Variants in TLN2 observed in about 807,000 individuals in gnomAD.
TLN2 encodes talin-2.
TLN2 carries 118 observed loss-of-function variants against 294.7 expected under a neutral mutation model. That is an observed-to-expected ratio of 0.40 (90% confidence interval 0.34 to 0.47). TLN2 has a LOEUF of 0.47. Ranked by LOEUF, TLN2 falls within the 20% of genes least tolerant of loss-of-function variation. The probability of loss-of-function intolerance (pLI) is 0.84; values close to 1 mark genes in which losing one functional copy is unlikely to be tolerated. For synonymous variants in TLN2, 1,431 were observed against 1,304.5 expected, an observed-to-expected ratio of 1.10 and a Z score of -2.09; for missense variants, 3,083 against 3,282.2, an observed-to-expected ratio of 0.94 and a Z score of 1.48.
At chr15:62,631,580 CTCTCTCTTCT>C (rs2049875263) in intron 3 of TLN2, among the ~76,000 whole-genome samples, 1 of 92,384 alleles carries the variant, frequency 1.1e-5, no homozygotes, top group African/African-American at 3.8e-5. Flanking sequence ...TCCTTTCTTT[CTCTCTCTTCT>C]TTCACTCTCT....
chr15:62,510,143 TGTG>T (rs1240656335), intron 1 of TLN2, among the ~76,000 whole-genome samples: 1 of 152,158 alleles, frequency 6.6e-6, no homozygotes, highest in East Asian at 1.9e-4. Flanking sequence ...GCTGGTAAGA[TGTG>T]GTCCCAGTAC....
At chr15:62,415,553 G>T (rs2034024029) in intron 1 of TLN2, among the ~76,000 whole-genome samples, 2 of 101,802 alleles carry the variant, frequency 2.0e-5, no homozygotes, top group Admixed American at 1.3e-4. Context: ...GGGGAAAGAG[G>T]ACAGCTAACA....
chr15:62,825,744 ATATT>A lies in TLN2; in HGVS notation c.7002+5135_7002+5138del, dbSNP rs1161464546. On this transcript the variant is annotated intron_variant, in intron 54 of 58. Coordinates refer to ENST00000636159, the MANE Select transcript of TLN2 (RefSeq NM_015059.3). The stretch of plus-strand genomic sequence containing the variant: ...TATATATAAAAATATATTTTTATAT[ATATT>A]AAATATAATTATAATTATATATTAT... 2.1e-3 allele frequency among the ~76,000 whole-genome samples: 229 copies of A among 108,144 alleles called. 9 individuals are homozygous for A. The highest frequency in any genetic ancestry group is 9.5e-3 in the African/African-American group (220 of 23,062). 70.9% of individuals were successfully genotyped at this position (108,144 alleles called of 152,430 possible).
intron 11 of TLN2, among the ~76,000 whole-genome samples, chr15:62,676,073 T>A (rs890727546): frequency 3.3e-5 from 5 of 152,190 alleles, no homozygotes; most frequent in African/African-American, 7.2e-5. Flanking sequence ...TTTCTGCAAA[T>A]GGAAGCAAAC....
chr15:62,599,125 A>G (rs1328549954), intron 2 of TLN2, among the ~76,000 whole-genome samples: 1 of 152,178 alleles, frequency 6.6e-6, no homozygotes, highest in Non-Finnish European at 1.5e-5. Flanking sequence ...CTTCTTTTCC[A>G]AACATCTTGG....
chr15:62,554,924 A>G (rs1464428270), intron 1 of TLN2, among the ~76,000 whole-genome samples: 2 of 152,126 alleles, frequency 1.3e-5, no homozygotes, highest in African/African-American at 4.8e-5. Flanking sequence ...AGATTTAGAA[A>G]ATTCGTGTAC....
chr15:62,673,630 G>A (rs1273188747), intron 9 of TLN2, among the ~76,000 whole-genome samples, 197 bp from the exon 10 acceptor site: 1 of 138,074 alleles, frequency 7.2e-6, no homozygotes, highest in African/African-American at 2.7e-5. Context: ...ATGTTAGTTT[G>A]ACCTTTTCTA....
chr15:62,691,526 A>G (rs2057912165), intron 12 of TLN2, among the ~76,000 whole-genome samples: 1 of 152,136 alleles, frequency 6.6e-6, no homozygotes, highest in Non-Finnish European at 1.5e-5. Flanking sequence ...TTGGTGAAGC[A>G]TTTTTATGAT....
intron 37 of TLN2, among the ~76,000 whole-genome samples, chr15:62,757,284 G>A (rs1191042192): frequency 2.0e-5 from 3 of 152,168 alleles, no homozygotes; most frequent in Admixed American, 6.5e-5. Flanking sequence ...ATGGAGAGAC[G>A]AAGTCATCTC....
chr15:62,647,818 C>A (rs1225638210), intron 4 of TLN2, among the ~76,000 whole-genome samples: 1 of 152,130 alleles, frequency 6.6e-6, no homozygotes, highest in Non-Finnish European at 1.5e-5. Context: ...TGAACGCTTT[C>A]CACTGCCATT....
chr15:62,481,347 A>G (rs905627632), intron 1 of TLN2, among the ~76,000 whole-genome samples: 14 of 152,206 alleles, frequency 9.2e-5, no homozygotes, highest in African/African-American at 2.9e-4. Flanking sequence ...TCTATATTAC[A>G]TAAAACACTT....
At chr15:62,402,711 C>A (rs898041030) in intron 1 of TLN2, among the ~76,000 whole-genome samples, 6 of 152,152 alleles carry the variant, frequency 3.9e-5, no homozygotes, top group Non-Finnish European at 5.9e-5. Context: ...TGTTTCTATA[C>A]CCACTTCTCA....
rs542661467 is a variant in TLN2 at position 62,748,752 on chromosome 15, G to A, written c.4119+308G>A. On this transcript the variant is annotated intron_variant, in intron 33 of 58. Coordinates refer to ENST00000636159, the MANE Select transcript of TLN2 (RefSeq NM_015059.3). ...CAGGAAGAGGCCTGTGATGTTGGGT[G>A]TAGGCTGAAGATCAGCAATTTTTAC... is the stretch of plus-strand genomic sequence containing the variant. Among the ~76,000 whole-genome samples the A allele has an allele frequency of 2.6e-5, 4 of 152,338 alleles. No homozygotes were observed. The South Asian group carries it at 8.3e-4, about 32-fold the overall frequency.
At chr15:62,423,211 T>C (rs1338837980) in intron 1 of TLN2, among the ~76,000 whole-genome samples, 1 of 152,062 alleles carries the variant, frequency 6.6e-6, no homozygotes, top group Non-Finnish European at 1.5e-5. Flanking sequence ...CTGGGCAACA[T>C]GGCGACACCT....
Position 62,526,900 on chromosome 15 carries a change from A to G in TLN2, c.-237-62787A>G, listed in dbSNP as rs1287480930. On this transcript the variant is annotated intron_variant, in intron 1 of 58. Coordinates refer to ENST00000636159, the MANE Select transcript of TLN2 (RefSeq NM_015059.3). ...AAAGTGAAGTACTAGCATTCACAAA[A>G]GTGAGGTGTATGTTTTGATATTGTA... Among the ~76,000 whole-genome samples the G allele has an allele frequency of 2.6e-5, 4 of 152,348 alleles. No homozygotes were observed. The East Asian group carries it at 5.8e-4, about 22-fold the overall frequency.
chr15:62,651,533 C>T (rs1189617906), intron 5 of TLN2, among the ~76,000 whole-genome samples: 1 of 152,128 alleles, frequency 6.6e-6, no homozygotes, highest in Non-Finnish European at 1.5e-5. Context: ...CCAGACTTCA[C>T]AAGTTCTTTA....
In TLN2 at chr15:62,835,758, G is replaced by A; in HGVS notation, c.7150G>A (p.Ala2384Thr). The A allele has an allele frequency of 1.2e-6, 2 of 1,614,208 alleles. No individual in the cohort carries two copies. Among genetic ancestry groups the A allele is most frequent in the African/African-American group, 1.3e-5 (1 of 75,050 alleles). Residue 2384 changes from alanine (A) to threonine (T), a missense_variant, in exon 56 of 59, where the codon GCT (alanine) becomes ACT (threonine). Coordinates refer to ENST00000636159, the MANE Select transcript of TLN2 (RefSeq NM_015059.3). ...CTAGGTGGGCTCCATCCCTGCCAAT[G>A]CTGCAGACGACGGACAGTGGTCACA... ...QGKVGSIPAN[A>T]ADDGQWSQGL... is the part of the protein sequence containing the mutation.
intron 54 of TLN2, among the ~76,000 whole-genome samples, chr15:62,825,919 G>C (rs1327300413): frequency 7.5e-6 from 1 of 132,948 alleles, no homozygotes; most frequent in African/African-American, 3.0e-5. Flanking sequence ...TGTAGTCCCA[G>C]CTACTCAGGA....
chr15:62,475,388 G>A (rs1195990724), intron 1 of TLN2, among the ~76,000 whole-genome samples: 1 of 152,196 alleles, frequency 6.6e-6, no homozygotes, highest in South Asian at 2.1e-4. Flanking sequence ...GATCTGCAAA[G>A]TTAGGTGTGA....
Sources: gnomAD v4.1 joint callset for allele counts (sites outside exome capture counted in the v4.1 genomes callset) on GRCh38, gnomAD v4.1.1 for gene constraint, MANE v1.5 for transcripts, NCBI Gene and HGNC (gene_info 2026-07-23, HGNC 2026-07-21) for gene names.